CEP76: variants seen among roughly 807,000 people sequenced by gnomAD.
CEP76 encodes the protein centrosomal protein of 76 kDa.
CEP76 carries 55 observed loss-of-function variants against 83.3 expected under a neutral mutation model. That is an observed-to-expected ratio of 0.66 (90% confidence interval 0.53 to 0.83). The LOEUF is 0.83. Ranked by LOEUF, CEP76 falls within the 40% of genes least tolerant of loss-of-function variation. The pLI, the probability that CEP76 is intolerant of heterozygous loss-of-function variation, is 0.00. For synonymous variants in CEP76, 270 were observed against 274.5 expected, an observed-to-expected ratio of 0.98 and a Z score of 0.16; for missense variants, 694 against 799.5, an observed-to-expected ratio of 0.87 and a Z score of 1.59.
At position 12,702,503 on chromosome 18, in the gene CEP76, G is replaced by A. The variant is rs1027829846; in HGVS notation, c.46C>T (p.His16Tyr). The A allele has an allele frequency of 1.2e-6, 2 of 1,609,854 alleles. No individual in the cohort carries two copies. The highest frequency in any genetic ancestry group is 2.2e-5 in the East Asian group (1 of 44,578). Residue 16 changes from histidine (H) to tyrosine (Y), a missense_variant, in exon 1 of 12, where the codon CAC becomes TAC. His to Tyr is a moderately conservative substitution (Grantham distance 83, BLOSUM62 2). Coordinates refer to ENST00000262127, the MANE Select transcript of CEP76 (RefSeq NM_024899.4). ...EKASELKQLIHQQLSKMDVHG... is the reference protein window; with the variant it reads ...EKASELKQLIYQQLSKMDVHG... ...ACTCTCACCTTGCTCAGCTGCTGGT[G>A]GATGAGCTGCTTCAGCTCGGAGGCT...
intron 7 of CEP76, among the ~76,000 whole-genome samples, chr18:12,688,068 C>T (rs773523590): frequency 7.3e-5 from 11 of 151,420 alleles, no homozygotes; most frequent in Non-Finnish European, 1.3e-4. Context: ...ATGGTGAAAC[C>T]CCATCTCCAC....
At chr18:12,682,028 TCTGATA>T (rs928588822) in intron 8 of CEP76, among the ~76,000 whole-genome samples, 8 of 151,880 alleles carry the variant, frequency 5.3e-5, no homozygotes, top group Non-Finnish European at 8.8e-5. Flanking sequence ...AAAGAAAATA[TCTGATA>T]CTGTGTTCTG....
At chr18:12,678,512 T>C in intron 9 of CEP76, 70 bp from the exon 10 acceptor site, 1 of 1,030,804 alleles carries the variant, frequency 9.7e-7, no homozygotes, top group Non-Finnish European at 1.4e-6. Flanking sequence ...CTGAGAAAAT[T>C]ATTCTAACAC....
chr18:12,698,780 A>G (rs1719752203), intron 4 of CEP76, 199 bp downstream of exon 4: 2 of 568,680 alleles, frequency 3.5e-6, no homozygotes, highest in Admixed American at 3.3e-5. Flanking sequence ...GTCAAAAAAT[A>G]ATATCCAGGG....
At chr18:12,687,684 C>A (rs1433848584) in intron 7 of CEP76, among the ~76,000 whole-genome samples, 1 of 151,578 alleles carries the variant, frequency 6.6e-6, no homozygotes, top group African/African-American at 2.4e-5. Context: ...AACTCCTGAC[C>A]TCAAGTGATC....
chr18:12,680,085 T>A (rs1455232471), intron 9 of CEP76, among the ~76,000 whole-genome samples: 3 of 148,362 alleles, frequency 2.0e-5, no homozygotes, highest in African/African-American at 2.5e-5. Flanking sequence ...GAAAAAAAAA[T>A]ATGCTAATCA....
At chr18:12,680,596 CAAAAAAAA>C (rs34861312) in intron 9 of CEP76, 58 bp downstream of exon 9, 15 of 752,948 alleles carry the variant, frequency 2.0e-5, no homozygotes, top group Admixed American at 8.1e-5. Flanking sequence ...GACTCCATCT[CAAAAAAAA>C]AAAAAAAAAA....
chr18:12,688,261 C>A (rs2039619968), intron 7 of CEP76, among the ~76,000 whole-genome samples: 1 of 151,018 alleles, frequency 6.6e-6, no homozygotes, highest in South Asian at 2.1e-4. Context: ...AACCTAGTGG[C>A]CTTAAAGTTC....
At chr18:12,683,331 G>A (rs1050284210) in intron 8 of CEP76, among the ~76,000 whole-genome samples, 4 of 151,338 alleles carry the variant, frequency 2.6e-5, no homozygotes, top group Non-Finnish European at 4.4e-5. Flanking sequence ...CAGCCTGGGC[G>A]ACAGAGCGAG....
intron 8 of CEP76, among the ~76,000 whole-genome samples, chr18:12,681,879 C>T (rs1412232095): frequency 6.6e-6 from 1 of 151,450 alleles, no homozygotes; most frequent in Non-Finnish European, 1.5e-5. Flanking sequence ...GCCTGTAATC[C>T]CAGCTACTCA....
chr18:12,696,599 C>G (rs1430001301), intron 5 of CEP76, among the ~76,000 whole-genome samples: 1 of 152,046 alleles, frequency 6.6e-6, no homozygotes, highest in Non-Finnish European at 1.5e-5. Context: ...CAAAGTAATT[C>G]CATTATATGT....
chr18:12,678,937 C>T (rs1260548596), intron 9 of CEP76: 1 of 151,598 alleles, frequency 6.6e-6, no homozygotes, highest in Non-Finnish European at 1.5e-5. Context: ...GAAACTCCAT[C>T]TCCAAGAAAA....
chr18:12,681,510 A>G (rs577391401), intron 8 of CEP76, among the ~76,000 whole-genome samples: 39 of 152,118 alleles, frequency 2.6e-4, no homozygotes, highest in Non-Finnish European at 1.3e-4. Flanking sequence ...TCAGCCTCCC[A>G]AAGTGTTGGG....
chr18:12,669,764 G>T (rs1263619365), downstream of CEP76, among the ~76,000 whole-genome samples: 2 of 152,104 alleles, frequency 1.3e-5, no homozygotes, highest in East Asian at 3.9e-4. Flanking sequence ...ACTTTGGGAG[G>T]CCAAGGCGGG....
chr18:12,679,110 A>T (rs577024671), intron 9 of CEP76: 3 of 152,216 alleles, frequency 2.0e-5, no homozygotes, highest in African/African-American at 4.8e-5. Flanking sequence ...CCTCTAGAAC[A>T]CACACATTTA....
At chr18:12,670,001 A>AAAAAAGAAAAG (rs1241896829), downstream of CEP76, among the ~76,000 whole-genome samples, 1 of 150,988 alleles carries the variant, frequency 6.6e-6, no homozygotes, top group African/African-American at 2.4e-5. Context: ...GTCTCAAAAA[A>AAAAAAGAAAAG]AAAAAGAAAA....
At chr18:12,674,504 C>A (rs1346909348) in intron 11 of CEP76, 32 bp downstream of exon 11, 3 of 1,519,432 alleles carry the variant, frequency 2.0e-6, no homozygotes, top group Non-Finnish European at 2.7e-6. Flanking sequence ...GACTCCTAAA[C>A]TGAAAAAATG....
chr18:12,680,877 C>G (rs1204937331), intron 8 of CEP76, 49 bp from the exon 9 acceptor site: 17 of 1,484,742 alleles, frequency 1.1e-5, no homozygotes, highest in Non-Finnish European at 1.4e-5. Flanking sequence ...ATTATTTCCT[C>G]ATTACATACT....
chr18:12,694,876 A>ATT (rs1216124284), intron 6 of CEP76, among the ~76,000 whole-genome samples: 1 of 141,546 alleles, frequency 7.1e-6, no homozygotes, highest in African/African-American at 2.6e-5. Context: ...ACGCCCGGCT[A>ATT]TTTTTTTTTT....
Sources: gnomAD v4.1 joint callset for allele counts (sites outside exome capture counted in the v4.1 genomes callset) on GRCh38, gnomAD v4.1.1 for gene constraint, MANE v1.5 for transcripts, NCBI Gene and HGNC (gene_info 2026-07-23, HGNC 2026-07-21) for gene names.